The following ARHGAP25 variants were observed in gnomAD, a reference collection of about 807,000 sequenced individuals.
ARHGAP25 encodes rho GTPase-activating protein 25.
Under a neutral mutation model 71.0 loss-of-function variants are expected in ARHGAP25, and 34 were observed. The ratio of observed to expected loss-of-function variants is 0.48; its 90% CI spans 0.36 to 0.64. ARHGAP25 has a LOEUF of 0.64. ARHGAP25 is among the 30% of genes least tolerant of loss of function. The pLI is 0.00. For missense variants in ARHGAP25, 706 were observed against 805.1 expected (o/e 0.88, Z 1.49); for synonymous variants, 282 against 296.5 (o/e 0.95, Z 0.50).
intron 4 of ARHGAP25, 104 bp from the exon 5 acceptor site, chr2:68,807,169 A>G: frequency 9.5e-7 from 1 of 1,049,438 alleles, no homozygotes; most frequent in Non-Finnish European, 1.5e-6. Flanking sequence ...GTCTAGTATC[A>G]TTGCAATAAA....
chr2:68,759,314 G>A (rs141921941), intron 1 of ARHGAP25, among the ~76,000 whole-genome samples: 3 of 149,972 alleles, frequency 2.0e-5, no homozygotes, highest in South Asian at 2.1e-4. Flanking sequence ...CAAAAAGGTC[G>A]ACAAAATTTA....
intron 2 of ARHGAP25, 190 bp downstream of exon 2, chr2:68,775,610 C>A: frequency 1.1e-6 from 1 of 918,570 alleles, no homozygotes; most frequent in Non-Finnish European, 1.7e-6. Flanking sequence ...CAGAGTGGTC[C>A]TCCAGGAAGC....
chr2:68,825,317 G>C (rs1173957547), intron 10 of ARHGAP25, among the ~76,000 whole-genome samples: 1 of 152,150 alleles, frequency 6.6e-6, no homozygotes, highest in Non-Finnish European at 1.5e-5. Flanking sequence ...AATATGGATG[G>C]GGCTTCCAGG....
chr2:68,768,130 A>G (rs1048022117), intron 1 of ARHGAP25, among the ~76,000 whole-genome samples: 1 of 152,152 alleles, frequency 6.6e-6, no homozygotes, highest in African/African-American at 2.4e-5. Flanking sequence ...AGATCATTTC[A>G]CCTCTGTGAG....
At chr2:68,715,651 G>C (rs1467480604) in intron 2 of ARHGAP25, among the ~76,000 whole-genome samples, 1 of 152,220 alleles carries the variant, frequency 6.6e-6, no homozygotes, top group Non-Finnish European at 1.5e-5. Flanking sequence ...GAGGTGAACC[G>C]AGGGAAGAAC....
chr2:68,812,387 A>G (rs768835289), intron 5 of ARHGAP25, among the ~76,000 whole-genome samples: 4 of 152,194 alleles, frequency 2.6e-5, no homozygotes, highest in Non-Finnish European at 4.4e-5. Context: ...CCTCCTGTAA[A>G]TGGAGAAGCT....
intron 1 of ARHGAP25, among the ~76,000 whole-genome samples, chr2:68,754,739 A>T (rs1243035283): frequency 6.6e-6 from 1 of 152,084 alleles, no homozygotes; most frequent in Non-Finnish European, 1.5e-5. Context: ...ATTCTCACTG[A>T]TCCTTGATAT....
intron 4 of ARHGAP25, among the ~76,000 whole-genome samples, chr2:68,799,984 G>A (rs565311157): frequency 6.6e-6 from 1 of 152,172 alleles, no homozygotes; most frequent in Non-Finnish European, 1.5e-5. Context: ...TGGCTTTCCT[G>A]CCCTGGCACT....
rs755627472 is a variant in ARHGAP25 at position 68,775,156 on chromosome 2, C to T, written c.62-65C>T. ...CCCCTCTGGGGTTCCTCTCTCCTCT[C>T]CGCCCACTCTTTGCTCACTGCCCCA... On this transcript the variant is annotated intron_variant, in intron 1 of 10. Transcript: ENST00000409202. 8 of 1,613,234 alleles carry T rather than the reference C, an allele frequency of 5.0e-6. No individual in the cohort carries two copies. In the Admixed American group the frequency reaches 1.3e-4, roughly 27 times the overall value.
At chr2:68,771,072 GT>G (rs1677457064) in intron 1 of ARHGAP25, among the ~76,000 whole-genome samples, 1 of 152,184 alleles carries the variant, frequency 6.6e-6, no homozygotes, top group African/African-American at 2.4e-5. Flanking sequence ...GAACTCAATT[GT>G]AACTTAATGT....
chr2:68,752,351 C>T (rs1005903194), intron 1 of ARHGAP25, among the ~76,000 whole-genome samples: 1 of 149,648 alleles, frequency 6.7e-6, no homozygotes, highest in African/African-American at 2.6e-5. Context: ...TTATGAATGC[C>T]ATTTAAAGGA....
intron 3 of ARHGAP25, among the ~76,000 whole-genome samples, chr2:68,786,888 C>T (rs1455366331): frequency 6.6e-6 from 1 of 152,200 alleles, no homozygotes; most frequent in African/African-American, 2.4e-5. Context: ...AATTTAATAT[C>T]CCATAATTGA....
chr2:68,731,163 G>C (rs1416030281), upstream of ARHGAP25, among the ~76,000 whole-genome samples: 1 of 152,098 alleles, frequency 6.6e-6, no homozygotes, highest in African/African-American at 2.4e-5. Flanking sequence ...GAGTGCAGAA[G>C]ATCTGCACTC....
At chr2:68,747,517 G>A (rs151259665) in intron 1 of ARHGAP25, among the ~76,000 whole-genome samples, 56 of 152,218 alleles carry the variant, frequency 3.7e-4, no homozygotes, top group African/African-American at 1.2e-3. Flanking sequence ...GTCCTCTTCC[G>A]TTTATCCAAC....
At chr2:68,814,005 C>T (rs11900526) in intron 6 of ARHGAP25, among the ~76,000 whole-genome samples, 35,051 of 152,140 alleles carry the variant, frequency 0.23, 4,338 homozygotes, top group East Asian at 0.44. Context: ...ACAATGACCA[C>T]ACTGTAGTCA....
At chr2:68,765,417 T>A (rs1424094634) in intron 1 of ARHGAP25, among the ~76,000 whole-genome samples, 2 of 151,500 alleles carry the variant, frequency 1.3e-5, no homozygotes, top group East Asian at 3.8e-4. Flanking sequence ...AATAAAATAT[T>A]TAAAAAGATC....
At chr2:68,758,785 A>G (rs765507910) in intron 1 of ARHGAP25, among the ~76,000 whole-genome samples, 2 of 151,944 alleles carry the variant, frequency 1.3e-5, no homozygotes, top group African/African-American at 2.4e-5. Flanking sequence ...AGAACACTCT[A>G]TCCAACAACA....
chr2:68,816,421 G>C, intron 7 of ARHGAP25, 59 bp downstream of exon 7: 1 of 1,403,568 alleles, frequency 7.1e-7, no homozygotes, highest in Non-Finnish European at 1.0e-6. Context: ...GAAGCTCCTA[G>C]TTAGAAGAGG....
intron 4 of ARHGAP25, among the ~76,000 whole-genome samples, chr2:68,798,882 T>C (rs1679762360): frequency 6.6e-6 from 1 of 152,130 alleles, no homozygotes; most frequent in Non-Finnish European, 1.5e-5. Flanking sequence ...TTGTTAAGGA[T>C]GTTGGTCTTC....
Sources: gnomAD v4.1 joint callset for allele counts (sites outside exome capture counted in the v4.1 genomes callset) on GRCh38, gnomAD v4.1.1 for gene constraint, MANE v1.5 for transcripts, NCBI Gene and HGNC (gene_info 2026-07-23, HGNC 2026-07-21) for gene names.